Variants in CFAP100 observed in about 807,000 individuals in gnomAD.
The protein encoded by CFAP100 is cilia and flagella associated protein 100.
Under a neutral mutation model 81.5 loss-of-function variants are expected in CFAP100, and 70 were observed. That is an observed-to-expected ratio of 0.86 (90% CI 0.71 to 1.05). CFAP100 has a LOEUF of 1.05. Ranked by LOEUF, CFAP100 falls within the 50% of genes least tolerant of loss-of-function variation. CFAP100 has a pLI of 0.00. For synonymous variants in CFAP100, 341 were observed against 314.8 expected (o/e 1.08, Z -0.88); for missense variants, 811 against 776.5 (o/e 1.04, Z -0.53).
At chr3:126,415,869 T>C (rs1239422419) in intron 4 of CFAP100, among the ~76,000 whole-genome samples, 2 of 151,568 alleles carry the variant, frequency 1.3e-5, no homozygotes, top group African/African-American at 4.9e-5. Flanking sequence ...TGGAGTGGGG[T>C]GGAGAGCAGG....
chr3:126,404,693 G>A (rs2083036307), intron 2 of CFAP100, among the ~76,000 whole-genome samples: 1 of 152,042 alleles, frequency 6.6e-6, no homozygotes, highest in Non-Finnish European at 1.5e-5. Context: ...TTTTTTTTCT[G>A]AGATGGAGTC....
intron 13 of CFAP100, among the ~76,000 whole-genome samples, chr3:126,426,743 C>T (rs908521642): frequency 2.6e-5 from 4 of 151,994 alleles, no homozygotes; most frequent in Non-Finnish European, 4.4e-5. Flanking sequence ...AGGAAGACTC[C>T]GTCTCAATAA....
At chr3:126,408,270 AG>A (rs1013788553) in intron 3 of CFAP100, among the ~76,000 whole-genome samples, 2 of 152,200 alleles carry the variant, frequency 1.3e-5, no homozygotes, top group African/African-American at 2.4e-5. Context: ...TCTCAACAAT[AG>A]GGGTGTTTCC....
chr3:126,434,370 G>C lies in CFAP100; in HGVS notation c.1617G>C (p.Glu539Asp). ...IEQAERAKEK[E>D]RRIRLREEKL... is the part of the protein sequence containing the mutation. The stretch of plus-strand genomic sequence containing the variant: ...AGGCCGAGAGGGCAAAGGAGAAGGA[G>C]CGGCGCATCAGGTGAGCTCTAGGCT... The change falls in exon 15 of 17, where the codon GAG (glutamate) becomes GAC (aspartate). Residue 539 changes from glutamate to aspartate, a missense_variant. Physicochemically the swap from Glu to Asp is conservative, Grantham distance 45. Transcript: ENST00000352312. 6.2e-7 allele frequency: 1 copy of C among 1,613,400 alleles called. No homozygotes were observed. Among genetic ancestry groups the C allele is most frequent in the South Asian group, 1.1e-5 (1 of 90,948 alleles).
chr3:126,422,501 C>CA, intron 11 of CFAP100, among the ~76,000 whole-genome samples: 1 of 152,288 alleles, frequency 6.6e-6, no homozygotes, highest in East Asian at 1.9e-4. Context: ...CCCCCCACCT[C>CA]AGTCAGCAGG....
intron 3 of CFAP100, among the ~76,000 whole-genome samples, chr3:126,413,230 C>G (rs1002084349): frequency 6.6e-6 from 1 of 152,192 alleles, no homozygotes; most frequent in African/African-American, 2.4e-5. Context: ...AGCCTTGGAG[C>G]CTCACACTGC....
chr3:126,428,924 T>C (rs1933068079), intron 13 of CFAP100, among the ~76,000 whole-genome samples: 1 of 151,850 alleles, frequency 6.6e-6, no homozygotes, highest in Non-Finnish European at 1.5e-5. Context: ...CTGGCCAACA[T>C]AGTGAAACCC....
chr3:126,423,715 C>A (rs1013177673), intron 13 of CFAP100, 71 bp downstream of exon 13: 46 of 1,579,342 alleles, frequency 2.9e-5, no homozygotes, highest in Non-Finnish European at 3.8e-5. Context: ...GCACTGGGAG[C>A]CAAGTTGGGG....
At chr3:126,428,579 G>GA (rs1560079761) in intron 13 of CFAP100, among the ~76,000 whole-genome samples, 1 of 152,202 alleles carries the variant, frequency 6.6e-6, no homozygotes, top group Non-Finnish European at 1.5e-5. Context: ...TCTGGAGGGG[G>GA]ATGTTGATAG....
intron 2 of CFAP100, among the ~76,000 whole-genome samples, chr3:126,397,215 C>A (rs943000200): frequency 1.3e-5 from 2 of 152,166 alleles, no homozygotes; most frequent in African/African-American, 4.8e-5. Flanking sequence ...GAATAGTAAT[C>A]TTTCAGTATG....
chr3:126,434,382 G>C lies in CFAP100; in HGVS notation c.1628+1G>C. 1 of 1,611,554 alleles carries C rather than the reference G, an allele frequency of 6.2e-7. No homozygotes were observed. The highest frequency in any genetic ancestry group is 8.5e-7 in the Non-Finnish European group (1 of 1,178,796). On this transcript the variant is annotated splice_donor_variant, in intron 15 of 16. Coordinates refer to ENST00000352312, the MANE Select transcript of CFAP100 (RefSeq NM_182628.3). LOFTEE classifies it high-confidence loss of function. The stretch of plus-strand genomic sequence containing the variant: ...CAAAGGAGAAGGAGCGGCGCATCAG[G>C]TGAGCTCTAGGCTCTCCCTGCCAGC...
intron 13 of CFAP100, among the ~76,000 whole-genome samples, chr3:126,429,712 C>A (rs1348436130): frequency 6.6e-6 from 1 of 151,146 alleles, no homozygotes. Context: ...CAATTGCATA[C>A]AGAAACCTCT....
chr3:126,420,365 G>C (rs2083311514), intron 11 of CFAP100, 136 bp downstream of exon 11: 17 of 1,292,688 alleles, frequency 1.3e-5, no homozygotes, highest in Non-Finnish European at 1.8e-5. Flanking sequence ...AGAAGGGCCA[G>C]ACAGGGACGT....
rs1313099878 is a variant in CFAP100 at position 126,418,494 on chromosome 3, T to G, written c.455T>G (p.Ile152Ser). 1 of 1,614,024 alleles carries G rather than the reference T, an allele frequency of 6.2e-7. No individual in the cohort carries two copies. Among genetic ancestry groups the G allele is most frequent in the African/African-American group, 1.3e-5 (1 of 74,928 alleles). ...NVEPENMSGYIKQKRQMFLLQ... is the reference protein window; with the variant it reads ...NVEPENMSGYSKQKRQMFLLQ... ...GAGCCTGAGAACATGAGTGGCTACA[T>G]TAAGCAGAAGCGGCAAATGTTCCTC... The change falls in exon 6 of 17, where the codon ATT becomes AGT. Residue 152 changes from isoleucine (I) to serine (S), a missense_variant. Ile to Ser is a moderately radical substitution (Grantham distance 142). Transcript: ENST00000352312.
At chr3:126,418,358 G>A (rs1201131298) in intron 5 of CFAP100, 100 bp from the exon 6 acceptor site, 1 of 1,030,036 alleles carries the variant, frequency 9.7e-7, no homozygotes, top group Admixed American at 1.7e-5. Context: ...TGGACGCAAA[G>A]CAGTGGCCAG....
chr3:126,423,468 C>T (rs752803199), intron 12 of CFAP100, 25 bp from the exon 13 acceptor site: 2 of 1,613,670 alleles, frequency 1.2e-6, no homozygotes, highest in Non-Finnish European at 1.7e-6. Context: ...CCTGTCCAGT[C>T]CCTGCCAAAA....
intron 11 of CFAP100, 21 bp downstream of exon 11, chr3:126,420,250 G>C: frequency 6.2e-7 from 1 of 1,610,922 alleles, no homozygotes; most frequent in Non-Finnish European, 8.5e-7. Context: ...TCGGGTGGTT[G>C]GGAGGGGCTG....
intron 13 of CFAP100, among the ~76,000 whole-genome samples, chr3:126,427,615 G>A (rs1023156899): frequency 6.6e-6 from 1 of 152,148 alleles, no homozygotes; most frequent in Non-Finnish European, 1.5e-5. Flanking sequence ...AGTATGTTTA[G>A]TTTTGTAAGA....
chr3:126,405,492 A>G (rs907729405), intron 2 of CFAP100, among the ~76,000 whole-genome samples: 1 of 152,076 alleles, frequency 6.6e-6, no homozygotes, highest in African/African-American at 2.4e-5. Flanking sequence ...GTGAAACCCC[A>G]TCTCTACAAA....
Sources: allele counts gnomAD v4.1 joint callset (sites outside exome capture counted in the v4.1 genomes callset), GRCh38; gene constraint gnomAD v4.1.1; transcripts MANE v1.5; gene names NCBI Gene and HGNC (gene_info 2026-07-23, HGNC 2026-07-21).